The following PDE7B variants were observed in gnomAD, a reference collection of about 807,000 sequenced individuals.
The protein encoded by PDE7B is phosphodiesterase 7B.
A neutral mutation model predicts 56.2 loss-of-function variants in PDE7B; 29 were observed. The observed-to-expected ratio is 0.52, with a 90% CI of 0.38 to 0.70. The LOEUF (loss-of-function observed/expected upper bound fraction) is 0.70. PDE7B is among the 30% of genes least tolerant of loss of function. The pLI is 0.00. For synonymous variants in PDE7B, 197 were observed against 196.9 expected, an observed-to-expected ratio of 1.00 and a Z score of 0.00; for missense variants, 490 against 565.0, an observed-to-expected ratio of 0.87 and a Z score of 1.35.
chr6:135,967,977 G>A (rs1775025554), intron 2 of PDE7B, among the ~76,000 whole-genome samples: 1 of 152,172 alleles, frequency 6.6e-6, no homozygotes, highest in African/African-American at 2.4e-5. Context: ...GCCTTGGCAA[G>A]GGTACTGTGG....
chr6:135,948,435 C>T (rs1276437835), intron 2 of PDE7B, among the ~76,000 whole-genome samples: 1 of 151,794 alleles, frequency 6.6e-6, no homozygotes, highest in Non-Finnish European at 1.5e-5. Flanking sequence ...TTACTCTGCC[C>T]ACTTCATATA....
intron 1 of PDE7B, among the ~76,000 whole-genome samples, chr6:135,917,903 C>T (rs139271630): frequency 2.1e-4 from 32 of 152,238 alleles, no homozygotes; most frequent in Admixed American, 8.5e-4. Flanking sequence ...TCGGTGAGCC[C>T]GCTCTCCTTT....
chr6:136,024,672 T>G (rs1464131498), intron 2 of PDE7B, among the ~76,000 whole-genome samples: 2 of 152,174 alleles, frequency 1.3e-5, no homozygotes, highest in Admixed American at 1.3e-4. Context: ...ATGCTTGTCA[T>G]GTATGCTTGC....
At chr6:135,961,269 GTGTGTGTGTGTA>G (rs774673073) in intron 2 of PDE7B, among the ~76,000 whole-genome samples, 2,002 of 142,326 alleles carry the variant, frequency 0.014, 23 homozygotes, top group South Asian at 0.031. Context: ...GTGTGTGTGT[GTGTGTGTGTGTA>G]TGTGTGTGTG....
intron 2 of PDE7B, among the ~76,000 whole-genome samples, chr6:136,001,728 T>C (rs1024284782): frequency 6.6e-6 from 1 of 152,172 alleles, no homozygotes; most frequent in Non-Finnish European, 1.5e-5. Flanking sequence ...ATCTGACTGG[T>C]GTACCTGAAA....
chr6:136,141,513 A>G (rs1778325624), intron 3 of PDE7B, among the ~76,000 whole-genome samples: 1 of 152,054 alleles, frequency 6.6e-6, no homozygotes, highest in Admixed American at 6.5e-5. Context: ...CTCTTTTTCT[A>G]TTGATTGGAA....
chr6:136,070,202 C>T (rs1449253871), intron 2 of PDE7B: 1 of 150,872 alleles, frequency 6.6e-6, no homozygotes, highest in Non-Finnish European at 1.5e-5. Flanking sequence ...TACTTAAACT[C>T]AAAACCAGTT....
chr6:135,910,543 A>G (rs1181337470), intron 1 of PDE7B, among the ~76,000 whole-genome samples: 1 of 152,088 alleles, frequency 6.6e-6, no homozygotes, highest in East Asian at 1.9e-4. Context: ...CACATCCCCC[A>G]CCAAAGTTTG....
intron 2 of PDE7B, among the ~76,000 whole-genome samples, chr6:136,101,167 A>G (rs1583881569): frequency 6.6e-6 from 1 of 152,212 alleles, no homozygotes; most frequent in East Asian, 1.9e-4. Flanking sequence ...TTGATTTGCC[A>G]GTATTTTATT....
intron 1 of PDE7B, among the ~76,000 whole-genome samples, chr6:135,858,712 T>C (rs1045659806): frequency 6.6e-6 from 1 of 151,632 alleles, no homozygotes; most frequent in Admixed American, 6.6e-5. Context: ...TAAGAAACTT[T>C]GGCCTGTTAC....
At position 136,055,144 on chromosome 6, in the gene PDE7B, A is replaced by G. The variant is rs116524475; in HGVS notation, c.83-53587A>G. Among the ~76,000 whole-genome samples, 674 of 152,350 alleles carry G rather than the reference A, an allele frequency of 4.4e-3. 3 individuals carry two copies. The highest frequency in any genetic ancestry group is 0.015 in the African/African-American group (642 of 41,572). ...TCTGGCACAGACCAAAGGCCAATCTAAAATCATTTCTGCTATCTAAAAGGG... is the reference window on the plus strand; with the variant it reads ...TCTGGCACAGACCAAAGGCCAATCTGAAATCATTTCTGCTATCTAAAAGGG... On this transcript the variant is annotated intron_variant, in intron 2 of 12. Transcript: ENST00000308191.
intron 2 of PDE7B, among the ~76,000 whole-genome samples, chr6:136,087,673 T>C (rs1472269835): frequency 6.6e-6 from 1 of 152,204 alleles, no homozygotes; most frequent in Non-Finnish European, 1.5e-5. Flanking sequence ...CATGCAAAGC[T>C]TTCTAATTAA....
intron 1 of PDE7B, among the ~76,000 whole-genome samples, chr6:135,899,440 GAT>G (rs1372186464): frequency 6.6e-6 from 1 of 150,478 alleles, no homozygotes; most frequent in East Asian, 1.9e-4. Context: ...TATAGATATA[GAT>G]ATATATGAGA....
Position 136,116,810 on chromosome 6 carries a change from G to A in PDE7B, c.166+7996G>A, listed in dbSNP as rs188710998. ...CATGAGCCATCTGGCCAGAACAGGC[G>A]TCATGAAGTCAACCAACTACTTTTG... is the stretch of plus-strand genomic sequence containing the variant. On this transcript the variant is annotated intron_variant, in intron 3 of 12. Coordinates refer to ENST00000308191, the MANE Select transcript of PDE7B (RefSeq NM_018945.4). 7.2e-5 allele frequency among the ~76,000 whole-genome samples: 11 copies of A among 152,280 alleles called. No homozygotes were observed. The East Asian group carries it at 1.2e-3, about 16-fold the overall frequency.
chr6:135,910,957 A>C (rs1776201461), intron 1 of PDE7B, among the ~76,000 whole-genome samples: 1 of 152,206 alleles, frequency 6.6e-6, no homozygotes, highest in South Asian at 2.1e-4. Context: ...CTGGTCTCAG[A>C]AGCATGACTA....
At chr6:136,109,308 C>T (rs1381128414) in intron 3 of PDE7B, among the ~76,000 whole-genome samples, 2 of 152,172 alleles carry the variant, frequency 1.3e-5, no homozygotes, top group African/African-American at 4.8e-5. Context: ...CACTGCCTTC[C>T]AGCATGTCTC....
intron 2 of PDE7B, among the ~76,000 whole-genome samples, chr6:135,981,933 C>A (rs1285046906): frequency 6.6e-6 from 1 of 152,000 alleles, no homozygotes; most frequent in African/African-American, 2.4e-5. Context: ...TTTGTTTACA[C>A]CAGCATCACC....
chr6:136,079,814 A>T (rs374220129), intron 2 of PDE7B, among the ~76,000 whole-genome samples: 5 of 151,850 alleles, frequency 3.3e-5, no homozygotes, highest in African/African-American at 9.7e-5. Flanking sequence ...GACCAGAATG[A>T]CACTCCCCTT....
chr6:136,015,754 C>T (rs538677537), intron 2 of PDE7B, among the ~76,000 whole-genome samples: 2 of 152,074 alleles, frequency 1.3e-5, no homozygotes, highest in African/African-American at 4.8e-5. Context: ...AAAAATTTGA[C>T]CAGGTTTTTG....
Sources: gnomAD v4.1 joint callset for allele counts (sites outside exome capture counted in the v4.1 genomes callset) on GRCh38, gnomAD v4.1.1 for gene constraint, MANE v1.5 for transcripts, NCBI Gene and HGNC (gene_info 2026-07-23, HGNC 2026-07-21) for gene names.